RADX: variants seen among roughly 807,000 people sequenced by gnomAD.
RADX encodes the protein RPA-related protein RADX.
A neutral mutation model predicts 61.6 loss-of-function variants in RADX; 36 were observed. That is an observed-to-expected ratio of 0.58 (90% CI 0.45 to 0.77). The LOEUF (loss-of-function observed/expected upper bound fraction) is 0.77. RADX is among the 30% of genes least tolerant of loss of function. The pLI is 0.00. For synonymous variants in RADX, 272 were observed against 237.9 expected, an observed-to-expected ratio of 1.14 and a Z score of -1.32; for missense variants, 497 against 651.1, an observed-to-expected ratio of 0.76 and a Z score of 2.58.
chrX:106,641,881 T>A, intron 10 of RADX, among the ~76,000 whole-genome samples: 1 of 111,597 alleles, frequency 9.0e-6, no homozygotes, highest in East Asian at 2.8e-4. Context: ...TAAGCATGGG[T>A]CTTTACTACA....
intron 10 of RADX, among the ~76,000 whole-genome samples, chrX:106,641,293 C>T (rs1459678594): frequency 5.9e-5 from 6 of 102,114 alleles, no homozygotes; most frequent in African/African-American, 2.6e-4. Flanking sequence ...CACAAAATTC[C>T]TGTCCTTCTC....
chrX:106,662,452 C>A, intron 12 of RADX, 147 bp downstream of exon 12: 1 of 469,702 alleles, frequency 2.1e-6, no homozygotes, highest in Non-Finnish European at 3.5e-6. Context: ...AATGGAGCAC[C>A]AATTATGGAA....
At chrX:106,677,861 A>G (rs1928547268) in intron 13 of RADX, among the ~76,000 whole-genome samples, 1 of 110,955 alleles carries the variant, frequency 9.0e-6, no homozygotes, top group Non-Finnish European at 1.9e-5. Flanking sequence ...TCCACCAAGA[A>G]CAAAACAAAA....
At chrX:106,620,942 G>T (rs1926929085) in intron 1 of RADX, among the ~76,000 whole-genome samples, 2 of 111,871 alleles carry the variant, frequency 1.8e-5, no homozygotes, top group African/African-American at 6.5e-5. Flanking sequence ...AACTCTAACT[G>T]GGAAAAATGT....
rs1167208757 is a variant in RADX, at chrX:106,679,299, A to G, written c.*1041A>G. ...ACGCTTTAAATGTGTTGAGCAGCCT[A>G]TGAACCTAAAGACATACTGCAGTTT... On this transcript the variant is annotated 3_prime_UTR_variant, in exon 14 of 14. Coordinates refer to ENST00000372548, the MANE Select transcript of RADX (RefSeq NM_018015.6). 1 of 112,343 alleles carries G rather than the reference A, an allele frequency of 8.9e-6. No individual in the cohort carries two copies. The highest frequency in any genetic ancestry group is 3.2e-5 in the African/African-American group (1 of 30,947). 9.3% of individuals were successfully genotyped at this position (112,343 alleles called of 1,213,427 possible).
At chrX:106,652,020 T>TC (rs1056673447) in intron 11 of RADX, among the ~76,000 whole-genome samples, 5 of 88,788 alleles carry the variant, frequency 5.6e-5, no homozygotes, top group East Asian at 5.9e-4. Context: ...CATCTCTCTC[T>TC]TTTTTTTTTA....
chrX:106,632,346 C>T (rs1927256101), intron 3 of RADX, among the ~76,000 whole-genome samples: 1 of 111,038 alleles, frequency 9.0e-6, no homozygotes, highest in African/African-American at 3.3e-5. Flanking sequence ...AAAAACAAAG[C>T]CAAATAGGAT....
Position 106,632,661 on chromosome X carries a change from T to C in RADX, c.1016T>C (p.Ile339Thr). ...CLNLRDPPTN[I>T]IIIPEKQVKP... Reference sequence around the variant, plus strand: ...AATCTTCGAGATCCCCCAACAAATATAATTATCATTCCAGAAAAGCAGGTG... The same window carrying C: ...AATCTTCGAGATCCCCCAACAAATACAATTATCATTCCAGAAAAGCAGGTG... Residue 339 changes from isoleucine to threonine, a missense_variant, in exon 4 of 14, where the codon ATA (isoleucine) becomes ACA (threonine). By Grantham distance (89) the Ile-to-Thr change is moderately conservative (BLOSUM62 -1). Coordinates refer to ENST00000372548, the MANE Select transcript of RADX (RefSeq NM_018015.6). 1.7e-6 allele frequency: 2 copies of C among 1,203,222 alleles called. No individual in the cohort carries two copies. The highest frequency in any genetic ancestry group is 2.2e-6 in the Non-Finnish European group (2 of 889,608).
rs181568196 is a variant in RADX, at chrX:106,653,612, G to A, written c.1978+5226G>A. 2.7e-3 allele frequency among the ~76,000 whole-genome samples: 291 copies of A among 109,156 alleles called. 1 individual carries two copies. Among genetic ancestry groups the A allele is most frequent in the African/African-American group, 9.3e-3 (278 of 29,990 alleles). The allele number at this position is 109,156 out of a possible 115,157, so 94.8% of individuals were successfully genotyped here. On this transcript the variant is annotated intron_variant, in intron 11 of 13. Coordinates refer to ENST00000372548, the MANE Select transcript of RADX (RefSeq NM_018015.6). ...GCAGGTTTGTTACATAGGTATATAC[G>A]TGCCGTGATGGTTTGCTGCACCCAT...
chrX:106,648,368 A>G lies in RADX; in HGVS notation c.1960A>G (p.Met654Val). The G allele has an allele frequency of 1.7e-6, 2 of 1,188,542 alleles. No individual in the cohort carries two copies. The highest frequency in any genetic ancestry group is 3.6e-5 in the South Asian group (2 of 55,762). Reference protein sequence around the residue: ...SVQTKGIKPGMPSIFNRRANI... With the variant: ...SVQTKGIKPGVPSIFNRRANI... ...ACAAACAAAGGGAATTAAACCGGGC[A>G]TGCCAAGCATCTTCAACCGTATGTT... The change falls in exon 11 of 14, where the codon ATG becomes GTG. Residue 654 changes from methionine to valine, a missense_variant. Coordinates refer to ENST00000372548, the MANE Select transcript of RADX (RefSeq NM_018015.6).
intron 3 of RADX, among the ~76,000 whole-genome samples, chrX:106,630,904 A>G (rs1170860467): frequency 8.9e-6 from 1 of 112,162 alleles, no homozygotes; most frequent in Non-Finnish European, 1.9e-5. Context: ...CCCTGAACCT[A>G]AAATAAAAGT....
At chrX:106,646,212 G>A (rs890613937) in intron 10 of RADX, among the ~76,000 whole-genome samples, 1 of 110,707 alleles carries the variant, frequency 9.0e-6, no homozygotes, top group Non-Finnish European at 1.9e-5. Flanking sequence ...GGTAAAGTAT[G>A]TTTCTCATAA....
intron 3 of RADX, among the ~76,000 whole-genome samples, chrX:106,627,205 A>G (rs1381316844): frequency 8.9e-6 from 1 of 111,777 alleles, no homozygotes; most frequent in East Asian, 2.8e-4. Flanking sequence ...GAATGGGACC[A>G]AGGCATTGCT....
At chrX:106,628,144 ATTAG>A (rs1927118656) in intron 3 of RADX, among the ~76,000 whole-genome samples, 1 of 111,554 alleles carries the variant, frequency 9.0e-6, no homozygotes, top group Admixed American at 9.6e-5. Context: ...CTGGAAGGTG[ATTAG>A]TTATCTTTTA....
intron 11 of RADX, among the ~76,000 whole-genome samples, chrX:106,660,794 C>T (rs1001894401): frequency 8.9e-6 from 1 of 111,784 alleles, no homozygotes; most frequent in African/African-American, 3.3e-5. Flanking sequence ...AATGGATGAA[C>T]GAATGTCATA....
intron 2 of RADX, among the ~76,000 whole-genome samples, chrX:106,623,716 T>C (rs1927009147): frequency 9.0e-6 from 1 of 111,594 alleles, no homozygotes; most frequent in Admixed American, 9.6e-5. Context: ...GTGTATATCA[T>C]ATATCACATT....
At position 106,648,323 on chromosome X, in the gene RADX, C is replaced by G; in HGVS notation, c.1915C>G (p.Pro639Ala). The G allele has an allele frequency of 8.4e-7, 1 of 1,190,883 alleles. No homozygotes were observed. Residue 639 changes from proline to alanine, a missense_variant, in exon 11 of 14, where the codon CCT becomes GCT. Pro to Ala is a conservative substitution (Grantham distance 27, BLOSUM62 -1). This residue lies in a region of RADX where 267 missense variants were observed against 306.9 expected (regional missense o/e 0.87). Transcript: ENST00000372548. ...QGPHANPVAV[P>A]QPGASVQTKG... ...TCTTATCCTTTATAGAGTTGCTGTACCTCAACCAGGAGCTTCTGTACAAAC... is the reference window on the plus strand; with the variant it reads ...TCTTATCCTTTATAGAGTTGCTGTAGCTCAACCAGGAGCTTCTGTACAAAC...
intron 13 of RADX, among the ~76,000 whole-genome samples, chrX:106,673,101 G>A (rs1928409134): frequency 1.8e-5 from 2 of 111,856 alleles, no homozygotes; most frequent in Non-Finnish European, 3.8e-5. Flanking sequence ...GGAACCCCAA[G>A]TGCCCACTTG....
intron 13 of RADX, among the ~76,000 whole-genome samples, chrX:106,675,686 A>C (rs10521510): frequency 0.11 from 12,307 of 112,000 alleles, 1,644 homozygotes; most frequent in African/African-American, 0.38. Flanking sequence ...GTCACACTTA[A>C]CTTATGCATT....
Sources: gnomAD v4.1 joint callset for allele counts (sites outside exome capture counted in the v4.1 genomes callset) on GRCh38, gnomAD v4.1.1 for gene constraint, gnomAD v4.1.1 regional missense constraint, MANE v1.5 for transcripts, NCBI Gene and HGNC (gene_info 2026-07-23, HGNC 2026-07-21) for gene names.